The following LMTK3 variants were observed in gnomAD, a reference collection of about 807,000 sequenced individuals.
The protein encoded by LMTK3 is lemur tail kinase 3.
LMTK3 carries 27 observed loss-of-function variants against 116.7 expected under a neutral mutation model. The observed-to-expected ratio is 0.23, with a 90% CI of 0.17 to 0.32. LMTK3 has a LOEUF of 0.32. Ranked by LOEUF, LMTK3 falls within the 10% of genes least tolerant of loss-of-function variation. The pLI, the probability that LMTK3 is intolerant of heterozygous loss-of-function variation, is 1.00. For missense variants in LMTK3, 1,764 were observed against 2,068.5 expected (o/e 0.85, Z 2.86); for synonymous variants, 965 against 971.0 (o/e 0.99, Z 0.11).
intron 1 of LMTK3, 50 bp downstream of exon 1, chr19:48,511,451 C>T: frequency 1.2e-6 from 1 of 831,138 alleles, no homozygotes; most frequent in Non-Finnish European, 1.7e-6. Context: ...ACAGCGAGGC[C>T]GCCGCGGGGG....
At chr19:48,492,408 A>G (rs1387455189) in intron 12 of LMTK3, among the ~76,000 whole-genome samples, 18 of 152,126 alleles carry the variant, frequency 1.2e-4, no homozygotes, top group Non-Finnish European at 1.5e-5. Context: ...GCTGGTCTCG[A>G]ACTCTTGACC....
chr19:48,510,234 C>T, intron 2 of LMTK3, 61 bp from the exon 3 acceptor site: 1 of 1,558,622 alleles, frequency 6.4e-7, no homozygotes, highest in African/African-American at 1.4e-5. Flanking sequence ...ACGCCATCGT[C>T]TTTCTCTTAA....
Position 48,505,129 on chromosome 19 carries a change from T to TTTA in LMTK3, c.558-2134_558-2133insTAA, listed in dbSNP as rs1491145236. On this transcript the variant is annotated intron_variant, in intron 5 of 14. Transcript: ENST00000600059. Reference sequence around the variant, plus strand: ...TTTTTTTTTTTTTTTTTTTTTTTTTTATGAGACAGAGTCTTGCTCTGTCGC... The same window carrying TTTA: ...TTTTTTTTTTTTTTTTTTTTTTTTTTTTAATGAGACAGAGTCTTGCTCTGTCGC... Among the ~76,000 whole-genome samples, 42 of 137,122 alleles carry TTTA rather than the reference T, an allele frequency of 3.1e-4. 1 individual carries two copies. Among genetic ancestry groups the TTTA allele is most frequent in the Non-Finnish European group, 5.4e-4 (34 of 63,436 alleles). The allele number at this position is 137,122 out of a possible 152,430, so 90.0% of individuals were successfully genotyped here.
At position 48,498,364 on chromosome 19, in the gene LMTK3, C is replaced by A. The variant is rs768491589; in HGVS notation, c.2705G>T (p.Gly902Val). ...RGPGNREKVP[G>V]LNRDPTVLGN... Reference sequence around the variant, plus strand: ...CAGGACTGTCGGGTCCCTGTTCAGGCCCGGGACTTTCTCTCTGTTCCCGGG... The same window carrying A: ...CAGGACTGTCGGGTCCCTGTTCAGGACCGGGACTTTCTCTCTGTTCCCGGG... The change falls in exon 11 of 15, where the codon GGC becomes GTC. Residue 902 changes from glycine to valine, a missense_variant. Gly to Val is a moderately radical substitution (Grantham distance 109). Around this residue, in one of 7 missense-constraint regions of LMTK3, gnomAD observed 1,028 missense variants for 1,050.6 expected, o/e 0.98. Coordinates refer to ENST00000600059, the MANE Select transcript of LMTK3 (RefSeq NM_001388485.1). 340 of 1,612,924 alleles carry A rather than the reference C, an allele frequency of 2.1e-4. No homozygotes were observed. The highest frequency in any genetic ancestry group is 2.8e-4 in the Non-Finnish European group (331 of 1,179,720).
chr19:48,491,379 C>G lies in LMTK3; in HGVS notation c.4228+25G>C. 5 of 1,361,808 alleles carry G rather than the reference C, an allele frequency of 3.7e-6. No individual in the cohort carries two copies. The highest frequency in any genetic ancestry group is 4.7e-6 in the Non-Finnish European group (5 of 1,053,894). 84.4% of individuals were successfully genotyped at this position (1,361,808 alleles called of 1,614,324 possible). A position where few individuals can be genotyped will look rare whatever the true frequency, so the allele number is the denominator to read the frequency against. ...GTCCGCCCCATGGCTCCCGCCCCCT[C>G]CCGCCCCATAGGGCCCGTCCTCACC... On this transcript the variant is annotated intron_variant, in intron 13 of 14. Transcript: ENST00000600059. The surrounding 1 kb of genome is among the most constrained non-coding windows in gnomAD (Gnocchi z 5.1).
intron 7 of LMTK3, 33 bp from the exon 8 acceptor site, chr19:48,501,595 G>C (rs895626812): frequency 6.4e-6 from 10 of 1,571,564 alleles, no homozygotes; most frequent in East Asian, 2.3e-5. Flanking sequence ...TGAGCGCAGG[G>C]GCAGCCCTCC....
rs1291628481 is a variant in LMTK3 at position 48,499,221 on chromosome 19, G to A, written c.1848C>T (p.Gly616=). 1.4e-6 allele frequency: 2 copies of A among 1,385,462 alleles called. No homozygotes were observed. Among genetic ancestry groups the A allele is most frequent in the South Asian group, 3.3e-5 (2 of 61,050 alleles). The allele number at this position is 1,385,462 out of a possible 1,614,324, so 85.8% of individuals were successfully genotyped here. A position where few individuals can be genotyped will look rare whatever the true frequency, so the allele number is the denominator to read the frequency against. Residue 616 remains glycine (G), a synonymous_variant, in exon 11 of 15, where the codon GGC becomes GGT. Transcript: ENST00000600059. ...LLSGWDPEGR[G]AGETLAGDPA... is the part of the protein sequence containing the mutation. ...GGTCTCCCGCCAGGGTCTCCCCGGC[G>A]CCCCGGCCCTCGGGGTCCCAGCCGC...
At position 48,494,737 on chromosome 19, in the gene LMTK3, A is replaced by G. The variant is rs1199649937; in HGVS notation, c.3677-628T>C. On this transcript the variant is annotated intron_variant, in intron 11 of 14. Coordinates refer to ENST00000600059, the MANE Select transcript of LMTK3 (RefSeq NM_001388485.1). The surrounding 1 kb of genome is among the most constrained non-coding windows in gnomAD (Gnocchi z 4.0). ...CCCTTTCTGAGCTGATGGCAGGGGC[A>G]AGAGGAGGGTGGAGGTGGGGCAGGG... Among the ~76,000 whole-genome samples the G allele has an allele frequency of 1.3e-5, 2 of 152,196 alleles. No homozygotes were observed. Among genetic ancestry groups the G allele is most frequent in the Non-Finnish European group, 2.9e-5 (2 of 68,036 alleles).
At chr19:48,511,953 T>A (rs2023997330), upstream of LMTK3, 1 of 167,660 alleles carries the variant, frequency 6.0e-6, no homozygotes, top group Non-Finnish European at 1.2e-5. Context: ...GGATGGAGCG[T>A]CGTCATGGCA....
rs1972414523 is a variant in LMTK3 at position 48,499,360 on chromosome 19, G to T, written c.1709C>A (p.Pro570His). ...LDPGVPAPQAPQAPSEVPQLV... is the reference protein window; with the variant it reads ...LDPGVPAPQAHQAPSEVPQLV... Reference sequence around the variant, plus strand: ...CTGGGGGACCTCGGAGGGGGCCTGGGGGGCCTGAGGGGCGGGCACTCCTGG... The same window carrying T: ...CTGGGGGACCTCGGAGGGGGCCTGGTGGGCCTGAGGGGCGGGCACTCCTGG... The change falls in exon 11 of 15, where the codon CCC (proline) becomes CAC (histidine). Residue 570 changes from proline (P) to histidine (H), a missense_variant. Physicochemically the swap from Pro to His is moderately conservative, Grantham distance 77. Transcript: ENST00000600059. 7.0e-7 allele frequency: 1 copy of T among 1,426,246 alleles called. No homozygotes were observed. Among genetic ancestry groups the T allele is most frequent in the East Asian group, 2.6e-5 (1 of 38,700 alleles). The allele number at this position is 1,426,246 out of a possible 1,614,324, so 88.3% of individuals were successfully genotyped here.
In LMTK3 at chr19:48,498,853, G is replaced by T. The variant is rs2147544575; in HGVS notation, c.2216C>A (p.Ala739Glu). 8.9e-7 allele frequency: 1 copy of T among 1,129,176 alleles called. No homozygotes were observed. The highest frequency in any genetic ancestry group is 1.1e-6 in the Non-Finnish European group (1 of 896,756). The allele number at this position is 1,129,176 out of a possible 1,614,324, so 69.9% of individuals were successfully genotyped here. ...CCGCCCGGGGTACTGGGGCGCCGCC[G>T]CCCCCATGAGGGGGTCCAGAAACTC... Reference protein sequence around the residue: ...PPEFLDPLMGAAAPQYPGRGP... With the variant: ...PPEFLDPLMGEAAPQYPGRGP... The change falls in exon 11 of 15, where the codon GCG (alanine) becomes GAG (glutamate). Residue 739 changes from alanine (A) to glutamate (E), a missense_variant. Around this residue, in one of 7 missense-constraint regions of LMTK3, gnomAD observed 1,028 missense variants for 1,050.6 expected, o/e 0.98. Transcript: ENST00000600059.
chr19:48,489,438 T>C (rs936807681), intron 14 of LMTK3, among the ~76,000 whole-genome samples: 1 of 151,890 alleles, frequency 6.6e-6, no homozygotes, highest in Non-Finnish European at 1.5e-5. Flanking sequence ...CCAGGTGTGG[T>C]GGTGGGTGCC....
At chr19:48,492,448 A>G (rs1288961926) in intron 12 of LMTK3, among the ~76,000 whole-genome samples, 3 of 152,052 alleles carry the variant, frequency 2.0e-5, no homozygotes, top group Non-Finnish European at 4.4e-5. Context: ...CGGCCTCCCA[A>G]AGTGCTGGGA....
chr19:48,510,760 T>TG (rs1227399633), intron 1 of LMTK3, among the ~76,000 whole-genome samples, 168 bp from the exon 2 acceptor site: 5 of 152,188 alleles, frequency 3.3e-5, no homozygotes, highest in Non-Finnish European at 5.9e-5. Flanking sequence ...AGTTGTAGTT[T>TG]GGGGCCTTCC....
At position 48,498,714 on chromosome 19, in the gene LMTK3, C is replaced by T; in HGVS notation, c.2355G>A (p.Ser785=). Residue 785 remains serine (S), a synonymous_variant, in exon 11 of 15, where the codon TCG becomes TCA. Transcript: ENST00000600059. ...CGCTGTCCCCCGGCTTGGGGCCCGG[C>T]GACGAGAGGCCTGAACCGGGACTGG... is the stretch of plus-strand genomic sequence containing the variant. ...AVASPGSGLS[S]PGPKPGDSGY... The T allele has an allele frequency of 6.5e-7, 1 of 1,531,118 alleles. No homozygotes were observed. The highest frequency in any genetic ancestry group is 8.7e-7 in the Non-Finnish European group (1 of 1,144,634). 94.8% of individuals were successfully genotyped at this position (1,531,118 alleles called of 1,614,324 possible).
Position 48,510,037 on chromosome 19 carries a change from T to G in LMTK3, c.347A>C (p.Gln116Pro). Residue 116 changes from glutamine to proline, a missense_variant, in exon 3 of 15, where the codon CAG (glutamine) becomes CCG (proline). Around this residue, in one of 7 missense-constraint regions of LMTK3, gnomAD observed 271 missense variants for 478.2 expected, o/e 0.57. Transcript: ENST00000600059. The stretch of plus-strand genomic sequence containing the variant: ...TGGGGCAGTACCTGAGTGTGAAGGC[T>G]GCGGGGCAGGCATTGGCAGGGAGAC... ...AEVSLPMPAP[Q>P]PSHSDMTTPL... is the part of the protein sequence containing the mutation. The G allele has an allele frequency of 6.2e-7, 1 of 1,613,900 alleles. No homozygotes were observed. Among genetic ancestry groups the G allele is most frequent in the Non-Finnish European group, 8.5e-7 (1 of 1,179,848 alleles).
Position 48,494,179 on chromosome 19 carries a change from T to C in LMTK3, c.3677-70A>G. The C allele has an allele frequency of 1.0e-6, 1 of 968,286 alleles. No individual in the cohort carries two copies. Among genetic ancestry groups the C allele is most frequent in the Non-Finnish European group, 1.3e-6 (1 of 781,410 alleles). The allele number at this position is 968,286 out of a possible 1,614,324, so 60.0% of individuals were successfully genotyped here. A position where few individuals can be genotyped will look rare whatever the true frequency, so the allele number is the denominator to read the frequency against. ...AGGCAGGCCCTCCCACCTAGCTGTG[T>C]GGCCTCAGATAAGACCCCCGCACAA... On this transcript the variant is annotated intron_variant, in intron 11 of 14. Transcript: ENST00000600059. The surrounding 1 kb of genome is among the most constrained non-coding windows in gnomAD (Gnocchi z 4.0).
chr19:48,486,944 A>G (rs1972134667), intron 14 of LMTK3, among the ~76,000 whole-genome samples: 1 of 150,154 alleles, frequency 6.7e-6, no homozygotes, highest in Non-Finnish European at 1.5e-5. Context: ...TGACTTGCTG[A>G]AACCTTCGCC....
chr19:48,511,699 A>C lies in LMTK3; in HGVS notation c.-123T>G. 1 of 472,516 alleles carries C rather than the reference A, an allele frequency of 2.1e-6. No homozygotes were observed. Among genetic ancestry groups the C allele is most frequent in the Non-Finnish European group, 3.8e-6 (1 of 265,076 alleles). 29.3% of individuals were successfully genotyped at this position (472,516 alleles called of 1,614,324 possible). On this transcript the variant is annotated 5_prime_UTR_variant, in exon 1 of 15. Coordinates refer to ENST00000600059, the MANE Select transcript of LMTK3 (RefSeq NM_001388485.1). ...CCTCCTCCCGGCCCAGGAGAGGGGC[A>C]GGAGACGCAGGACAGGGGGAGGGAG...
Sources: gnomAD v4.1 joint callset for allele counts (sites outside exome capture counted in the v4.1 genomes callset) on GRCh38, gnomAD v4.1.1 for gene constraint, gnomAD v4.1.1 regional missense constraint, Gnocchi (gnomAD v3.1) non-coding constraint, MANE v1.5 for transcripts, NCBI Gene and HGNC (gene_info 2026-07-23, HGNC 2026-07-21) for gene names.